Variants in TAFA2 observed in about 807,000 individuals in gnomAD.
The protein encoded by TAFA2 is TAFA chemokine like family member 2, also known as chemokine-like protein TAFA-2.
A neutral mutation model predicts 18.8 loss-of-function variants in TAFA2; 7 were observed. That is an observed-to-expected ratio of 0.37 (90% CI 0.21 to 0.70). The LOEUF (loss-of-function observed/expected upper bound fraction) is 0.70. Ranked by LOEUF, TAFA2 falls within the 30% of genes least tolerant of loss-of-function variation. TAFA2 has a pLI of 0.53. For synonymous variants in TAFA2, 60 were observed against 54.2 expected (o/e 1.11, Z -0.47); for missense variants, 122 against 158.1 (o/e 0.77, Z 1.23).
intron 1 of TAFA2, among the ~76,000 whole-genome samples, chr12:62,222,185 G>A (rs1473209948): frequency 6.6e-6 from 1 of 150,694 alleles, no homozygotes; most frequent in Non-Finnish European, 1.5e-5. Flanking sequence ...GAGAAGCAAA[G>A]GTATAATAAA....
chr12:61,920,467 TC>T (rs1431196710), intron 1 of TAFA2, among the ~76,000 whole-genome samples: 2 of 152,182 alleles, frequency 1.3e-5, no homozygotes, highest in Non-Finnish European at 2.9e-5. Context: ...ATAAACCTTA[TC>T]TTCCATTAGT....
intron 3 of TAFA2, among the ~76,000 whole-genome samples, 185 bp from the exon 4 acceptor site, chr12:61,753,931 C>T (rs1233655298): frequency 6.6e-6 from 1 of 151,970 alleles, no homozygotes; most frequent in African/African-American, 2.4e-5. Context: ...AAATAATTTT[C>T]TTTAAAACAT....
chr12:61,909,219 T>C (rs1260471382), intron 1 of TAFA2, among the ~76,000 whole-genome samples: 2 of 152,146 alleles, frequency 1.3e-5, no homozygotes, highest in Non-Finnish European at 2.9e-5. Flanking sequence ...ATTTTATGTG[T>C]AAAAATGGAG....
intron 1 of TAFA2, among the ~76,000 whole-genome samples, chr12:62,033,805 C>T (rs1881527329): frequency 6.6e-6 from 1 of 152,040 alleles, no homozygotes; most frequent in Non-Finnish European, 1.5e-5. Flanking sequence ...CTCTGGTTAG[C>T]CTATAAAAAT....
intron 1 of TAFA2, among the ~76,000 whole-genome samples, chr12:62,051,484 C>A (rs1303872013): frequency 6.6e-6 from 1 of 152,064 alleles, no homozygotes; most frequent in Non-Finnish European, 1.5e-5. Flanking sequence ...TAAGCAACTG[C>A]TTTTCTACCC....
intron 1 of TAFA2, among the ~76,000 whole-genome samples, chr12:61,876,873 A>G (rs557018469): frequency 6.6e-6 from 1 of 152,314 alleles, no homozygotes; most frequent in Non-Finnish European, 1.5e-5. Flanking sequence ...AATTATGTGC[A>G]CTAGCGTTAA....
chr12:61,841,394 A>G (rs1364795295), intron 2 of TAFA2, among the ~76,000 whole-genome samples: 1 of 152,112 alleles, frequency 6.6e-6, no homozygotes, highest in Non-Finnish European at 1.5e-5. Context: ...GGTACCATTT[A>G]TTGAAGAGAC....
chr12:62,126,682 T>A (rs1473228099), intron 1 of TAFA2, among the ~76,000 whole-genome samples: 1 of 151,892 alleles, frequency 6.6e-6, no homozygotes, highest in Non-Finnish European at 1.5e-5. Context: ...AATGCATAAG[T>A]ATAAACGATG....
chr12:62,167,275 G>A (rs909770988), intron 1 of TAFA2, among the ~76,000 whole-genome samples: 6 of 152,110 alleles, frequency 3.9e-5, no homozygotes, highest in African/African-American at 1.4e-4. Context: ...TGTTTTCAAC[G>A]TAAATATCTT....
At chr12:61,748,227 G>C (rs1868827563) in intron 4 of TAFA2, among the ~76,000 whole-genome samples, 1 of 152,106 alleles carries the variant, frequency 6.6e-6, no homozygotes, top group Middle Eastern at 3.2e-3. Flanking sequence ...GCATACATGA[G>C]TGTGCATATG....
intron 4 of TAFA2, among the ~76,000 whole-genome samples, chr12:61,729,431 C>T (rs962967611): frequency 2.6e-5 from 4 of 151,404 alleles, no homozygotes; most frequent in Non-Finnish European, 5.9e-5. Flanking sequence ...AAATTTTTTT[C>T]TTTGTTTTTG....
chr12:61,922,422 G>A (rs751469237), intron 1 of TAFA2, among the ~76,000 whole-genome samples: 18 of 152,126 alleles, frequency 1.2e-4, no homozygotes, highest in South Asian at 2.1e-4. Flanking sequence ...ATTAGGACTG[G>A]TTAAAAAGTG....
rs555381563 is a variant in TAFA2 at position 61,985,038 on chromosome 12, A to G, written c.-1-117612T>C. Reference sequence around the variant, plus strand: ...TAGAATTTAATTGAGAGAGGGGGAGAGGGTAAAAGTTGCTTTGAATGTGAA... The same window carrying G: ...TAGAATTTAATTGAGAGAGGGGGAGGGGGTAAAAGTTGCTTTGAATGTGAA... On this transcript the variant is annotated intron_variant, in intron 1 of 4. Transcript: ENST00000416284. Among the ~76,000 whole-genome samples, 20 of 152,312 alleles carry G rather than the reference A, an allele frequency of 1.3e-4. No individual in the cohort carries two copies. The South Asian group carries it at 3.9e-3, about 30-fold the overall frequency.
intron 1 of TAFA2, among the ~76,000 whole-genome samples, chr12:61,892,555 G>C (rs1875681731): frequency 6.6e-6 from 1 of 152,184 alleles, no homozygotes; most frequent in South Asian, 2.1e-4. Flanking sequence ...AGTATGTCCT[G>C]GCTGGGCATG....
chr12:61,825,502 A>T (rs961603930), intron 2 of TAFA2, among the ~76,000 whole-genome samples: 3 of 152,162 alleles, frequency 2.0e-5, no homozygotes, highest in African/African-American at 4.8e-5. Flanking sequence ...AAGGGCAATA[A>T]GATCAAGAAT....
intron 1 of TAFA2, among the ~76,000 whole-genome samples, chr12:61,983,054 G>A (rs185417634): frequency 6.6e-6 from 1 of 152,190 alleles, no homozygotes; most frequent in Admixed American, 6.5e-5. Context: ...CAGCTGCTAT[G>A]TAATTTGGGC....
At chr12:61,759,940 C>A (rs1490571137) in intron 2 of TAFA2, among the ~76,000 whole-genome samples, 5 of 151,818 alleles carry the variant, frequency 3.3e-5, no homozygotes, top group Admixed American at 2.6e-4. Flanking sequence ...GATCACAGGG[C>A]ACAATGGAGA....
At chr12:62,076,007 A>G (rs1868247310) in intron 1 of TAFA2, among the ~76,000 whole-genome samples, 1 of 152,230 alleles carries the variant, frequency 6.6e-6, no homozygotes, top group African/African-American at 2.4e-5. Context: ...TTACTCAGTT[A>G]TCAATTGGCA....
chr12:61,976,310 A>G (rs1592525596), intron 1 of TAFA2, among the ~76,000 whole-genome samples: 1 of 151,910 alleles, frequency 6.6e-6, no homozygotes, highest in African/African-American at 2.4e-5. Flanking sequence ...CCTGTCACCA[A>G]TGCAGCCTAA....
Sources: allele counts gnomAD v4.1 joint callset (sites outside exome capture counted in the v4.1 genomes callset), GRCh38; gene constraint gnomAD v4.1.1; transcripts MANE v1.5; gene names NCBI Gene and HGNC (gene_info 2026-07-23, HGNC 2026-07-21).